The following AUTS2 variants were observed in gnomAD, a reference collection of about 807,000 sequenced individuals.
AUTS2 encodes activator of transcription and developmental regulator AUTS2.
AUTS2 carries 17 observed loss-of-function variants against 112.4 expected under a neutral mutation model. The observed-to-expected ratio is 0.15, with a 90% confidence interval of 0.10 to 0.23. The LOEUF is 0.23. Among genes scored for constraint, AUTS2 ranks in the 10% least tolerant of loss-of-function variants. AUTS2 has a pLI of 1.00. For synonymous variants in AUTS2, 751 were observed against 702.7 expected (o/e 1.07, Z -1.09); for missense variants, 1,510 against 1,701.6 (o/e 0.89, Z 1.98).
chr7:70,449,907 C>G (rs1283792909), intron 5 of AUTS2, among the ~76,000 whole-genome samples: 3 of 152,078 alleles, frequency 2.0e-5, no homozygotes, highest in Admixed American at 6.5e-5. Flanking sequence ...CCTGCCCCAC[C>G]CAAGTATAAG....
At chr7:70,702,927 G>A (rs1051506538) in intron 6 of AUTS2, among the ~76,000 whole-genome samples, 1 of 152,162 alleles carries the variant, frequency 6.6e-6, no homozygotes, top group Non-Finnish European at 1.5e-5. Context: ...GGAGCCTTTA[G>A]GTTAGTGAAG....
chr7:70,704,622 A>G (rs1056732041), intron 6 of AUTS2, among the ~76,000 whole-genome samples: 4 of 152,248 alleles, frequency 2.6e-5, no homozygotes, highest in Admixed American at 6.5e-5. Flanking sequence ...ATATGCATTC[A>G]TGATAGACAA....
chr7:69,756,255 G>A (rs560680084), intron 1 of AUTS2, among the ~76,000 whole-genome samples: 5 of 152,312 alleles, frequency 3.3e-5, no homozygotes, highest in African/African-American at 9.6e-5. Context: ...TAACAAAGGC[G>A]GAGAAGAAAT....
At chr7:70,419,708 C>T (rs1263237989) in intron 4 of AUTS2, among the ~76,000 whole-genome samples, 1 of 152,152 alleles carries the variant, frequency 6.6e-6, no homozygotes, top group African/African-American at 2.4e-5. Context: ...AAATTATTTT[C>T]CAAATAGAAA....
chr7:70,278,337 G>C (rs977989343), intron 4 of AUTS2, among the ~76,000 whole-genome samples: 9 of 152,268 alleles, frequency 5.9e-5, no homozygotes, highest in African/African-American at 1.4e-4. Context: ...CCAGCACTTT[G>C]GGAGGCTGAG....
At chr7:70,231,527 C>T (rs1286031251) in intron 4 of AUTS2, among the ~76,000 whole-genome samples, 1 of 152,044 alleles carries the variant, frequency 6.6e-6, no homozygotes, top group Non-Finnish European at 1.5e-5. Context: ...ACTGCAAGCT[C>T]CACCTCACAG....
rs114963555 is a variant in AUTS2 at position 70,625,469 on chromosome 7, G to T, written c.691-73100G>T. 3.6e-3 allele frequency among the ~76,000 whole-genome samples: 546 copies of T among 152,302 alleles called. 4 individuals carry two copies. Among genetic ancestry groups the T allele is most frequent in the African/African-American group, 0.013 (525 of 41,558 alleles). On this transcript the variant is annotated intron_variant, in intron 5 of 18. Coordinates refer to ENST00000342771, the MANE Select transcript of AUTS2 (RefSeq NM_015570.4). Reference sequence around the variant, plus strand: ...TCATTACACAAAGCACTCCTCACCAGTAGTCAGATGGCACTTGATAGCTAC... The same window carrying T: ...TCATTACACAAAGCACTCCTCACCATTAGTCAGATGGCACTTGATAGCTAC...
intron 5 of AUTS2, among the ~76,000 whole-genome samples, chr7:70,501,563 G>A (rs1798772822): frequency 6.6e-6 from 1 of 152,084 alleles, no homozygotes. Flanking sequence ...CTTACCCTCA[G>A]GCCCTTTCAC....
intron 2 of AUTS2, among the ~76,000 whole-genome samples, chr7:70,098,859 C>G (rs375483161): frequency 1.3e-5 from 2 of 151,980 alleles, no homozygotes; most frequent in African/African-American, 4.8e-5. Flanking sequence ...TGCGCCATCA[C>G]GCCCAGCTAA....
intron 2 of AUTS2, among the ~76,000 whole-genome samples, chr7:69,936,018 A>G (rs1056003355): frequency 6.6e-6 from 1 of 152,240 alleles, no homozygotes; most frequent in Non-Finnish European, 1.5e-5. Flanking sequence ...AGGGAATAAT[A>G]TAACAATGAG....
chr7:70,424,892 A>T (rs1377128275), intron 4 of AUTS2, among the ~76,000 whole-genome samples: 1 of 152,176 alleles, frequency 6.6e-6, no homozygotes, highest in African/African-American at 2.4e-5. Flanking sequence ...TGGCCTCAGG[A>T]TTCTTTTTTG....
chr7:70,378,084 G>A (rs2129631897), intron 4 of AUTS2, among the ~76,000 whole-genome samples: 1 of 152,134 alleles, frequency 6.6e-6, no homozygotes, highest in East Asian at 1.9e-4. Flanking sequence ...CCAGCATAAT[G>A]TCTTTAAAGT....
Position 70,122,558 on chromosome 7 carries a change from T to C in AUTS2, c.624+4325T>C, listed in dbSNP as rs1272011566. Among the ~76,000 whole-genome samples the C allele has an allele frequency of 2.0e-5, 3 of 152,164 alleles. No homozygotes were observed. In the East Asian group the frequency reaches 5.8e-4, roughly 29 times the overall value. On this transcript the variant is annotated intron_variant, in intron 3 of 18. Transcript: ENST00000342771. ...GCAGTTTTTCATTGGATGCCAGACA[T>C]TATAAAATCCTGTCAGTCTTATGTC...
At chr7:69,986,274 A>G (rs2100150446) in intron 2 of AUTS2, among the ~76,000 whole-genome samples, 2 of 152,234 alleles carry the variant, frequency 1.3e-5, no homozygotes, top group South Asian at 4.1e-4. Flanking sequence ...TATGCCTAGC[A>G]GTGAGTAAGA....
chr7:69,599,791 C>G lies in AUTS2; in HGVS notation c.138C>G (p.Leu46=), dbSNP rs1792273126. Residue 46 remains leucine, a synonymous_variant, in exon 1 of 19, where the codon CTC becomes CTG. Coordinates refer to ENST00000342771, the MANE Select transcript of AUTS2 (RefSeq NM_015570.4). This position sits in a 1 kb window ranked among gnomAD's most constrained non-coding sequence, Gnocchi z 7.0. Reference sequence around the variant, plus strand: ...GCGGGGCTGGCCGGACCCGGGCGCTCTCACTCGCCTCGTCGTCGGGCTCCG... The same window carrying G: ...GCGGGGCTGGCCGGACCCGGGCGCTGTCACTCGCCTCGTCGTCGGGCTCCG... ...GGGGAGRTRA[L]SLASSSGSDK... 1.9e-6 allele frequency: 3 copies of G among 1,569,866 alleles called. No homozygotes were observed. The highest frequency in any genetic ancestry group is 2.5e-5 in the East Asian group (1 of 40,650).
chr7:69,632,145 A>G (rs1794274992), intron 1 of AUTS2, among the ~76,000 whole-genome samples: 1 of 152,174 alleles, frequency 6.6e-6, no homozygotes, highest in African/African-American at 2.4e-5. Flanking sequence ...TGTCAGTGAA[A>G]TCTTGTAAAT....
intron 5 of AUTS2, among the ~76,000 whole-genome samples, chr7:70,695,959 G>A (rs191114911): frequency 6.6e-6 from 1 of 152,136 alleles, no homozygotes. Context: ...CCCCGTGTTC[G>A]AGAGAAGGAA....
intron 5 of AUTS2, among the ~76,000 whole-genome samples, chr7:70,476,186 A>G (rs1184441741): frequency 6.6e-6 from 1 of 152,140 alleles, no homozygotes; most frequent in Non-Finnish European, 1.5e-5. Context: ...AACTCTACAA[A>G]GTAGATGGTG....
At chr7:69,974,533 C>T (rs892350592) in intron 2 of AUTS2, among the ~76,000 whole-genome samples, 2 of 151,746 alleles carry the variant, frequency 1.3e-5, no homozygotes, top group Non-Finnish European at 2.9e-5. Context: ...GGTCCAGTGG[C>T]GTAAATCTCT....
Sources: gnomAD v4.1 joint callset for allele counts (sites outside exome capture counted in the v4.1 genomes callset) on GRCh38, gnomAD v4.1.1 for gene constraint, Gnocchi (gnomAD v3.1) non-coding constraint, MANE v1.5 for transcripts, NCBI Gene and HGNC (gene_info 2026-07-23, HGNC 2026-07-21) for gene names.